Variants in NRG3 observed in about 807,000 individuals in gnomAD.
NRG3 encodes neuregulin 3.
Under a neutral mutation model 66.9 loss-of-function variants are expected in NRG3, and 31 were observed. That is an observed-to-expected ratio of 0.46 (90% CI 0.35 to 0.63). The LOEUF is 0.63. Among genes scored for constraint, NRG3 ranks in the 20% least tolerant of loss-of-function variants. The probability of loss-of-function intolerance (pLI) is 0.00; values close to 1 mark genes in which losing one functional copy is unlikely to be tolerated. For missense variants in NRG3, 910 were observed against 878.9 expected (o/e 1.04, Z -0.45); for synonymous variants, 393 against 359.4 (o/e 1.09, Z -1.06).
chr10:82,622,321 G>A lies in NRG3; in HGVS notation c.954-116256G>A, dbSNP rs191880270. ...ATCATATGGCCTTCAGGAGGTGGGG[G>A]TGGGAGGTCATGAGGTTCTTTGGAT... On this transcript the variant is annotated intron_variant, in intron 2 of 8. Transcript: ENST00000372141. 7.4e-4 allele frequency among the ~76,000 whole-genome samples: 111 copies of A among 151,020 alleles called. 1 individual carries two copies. In the Middle Eastern group the frequency reaches 0.017, roughly 23 times the overall value.
At chr10:82,035,536 A>G (rs1302899089) in intron 1 of NRG3, among the ~76,000 whole-genome samples, 2 of 152,164 alleles carry the variant, frequency 1.3e-5, no homozygotes, top group African/African-American at 4.8e-5. Flanking sequence ...TGAGGATTTG[A>G]ATTATTATTC....
chr10:82,231,727 G>T (rs531053391), intron 1 of NRG3, among the ~76,000 whole-genome samples: 98 of 152,234 alleles, frequency 6.4e-4, no homozygotes, highest in African/African-American at 2.3e-3. Context: ...ATAATTCAGT[G>T]TGTGAAAACT....
At chr10:82,673,347 G>A (rs2053438154) in intron 2 of NRG3, among the ~76,000 whole-genome samples, 1 of 152,126 alleles carries the variant, frequency 6.6e-6, no homozygotes, top group South Asian at 2.1e-4. Context: ...AATAGTAGAG[G>A]TCTTTATTTA....
intron 2 of NRG3, among the ~76,000 whole-genome samples, chr10:82,574,501 G>T (rs532335937): frequency 6.6e-6 from 1 of 151,830 alleles, no homozygotes; most frequent in South Asian, 2.1e-4. Context: ...ACAATATAGT[G>T]TATTTTTCAA....
At position 82,954,195 on chromosome 10, in the gene NRG3, T is replaced by C. The variant is rs139515227; in HGVS notation, c.1157+2624T>C. Among the ~76,000 whole-genome samples the C allele has an allele frequency of 2.0e-5, 3 of 152,014 alleles. 1 individual carries two copies. Among genetic ancestry groups the C allele is most frequent in the African/African-American group, 7.3e-5 (3 of 41,310 alleles). On this transcript the variant is annotated intron_variant, in intron 5 of 8. Transcript: ENST00000372141. Reference sequence around the variant, plus strand: ...AGCTTTGTACAAGAAAGAAATTCCTTACTTAACAATAACCAAATTACAATA... The same window carrying C: ...AGCTTTGTACAAGAAAGAAATTCCTCACTTAACAATAACCAAATTACAATA...
intron 3 of NRG3, chr10:82,827,092 C>T: frequency 3.1e-6 from 1 of 320,832 alleles, no homozygotes; most frequent in Non-Finnish European, 6.0e-6. Flanking sequence ...GAGAAAAAAG[C>T]TTGAAAAATA....
At chr10:82,156,779 A>G (rs1282203576) in intron 1 of NRG3, among the ~76,000 whole-genome samples, 1 of 151,560 alleles carries the variant, frequency 6.6e-6, no homozygotes, top group Non-Finnish European at 1.5e-5. Context: ...GTTTTTTTAC[A>G]TTTTAATAGC....
chr10:82,210,485 T>A (rs947456231), intron 1 of NRG3, among the ~76,000 whole-genome samples: 5 of 152,126 alleles, frequency 3.3e-5, no homozygotes, highest in African/African-American at 9.7e-5. Context: ...GGCAGGGGGT[T>A]GAATGGAGAT....
intron 4 of NRG3, among the ~76,000 whole-genome samples, chr10:82,907,952 C>T (rs1440481385): frequency 6.6e-6 from 1 of 152,206 alleles, no homozygotes; most frequent in Non-Finnish European, 1.5e-5. Context: ...ATGAAACTTA[C>T]TAGATATTTA....
At chr10:82,057,511 T>G (rs2063907046) in intron 1 of NRG3, among the ~76,000 whole-genome samples, 1 of 152,140 alleles carries the variant, frequency 6.6e-6, no homozygotes, top group Admixed American at 6.5e-5. Flanking sequence ...CCTTTGAAAT[T>G]GTTGGGGTAA....
chr10:81,924,984 G>T (rs147536160), intron 1 of NRG3, among the ~76,000 whole-genome samples: 1 of 152,154 alleles, frequency 6.6e-6, no homozygotes, highest in Non-Finnish European at 1.5e-5. Flanking sequence ...CTTTTAGATT[G>T]TCAAGCTTCC....
chr10:82,689,042 T>C (rs187712230), intron 2 of NRG3, among the ~76,000 whole-genome samples: 36 of 152,316 alleles, frequency 2.4e-4, no homozygotes, highest in Non-Finnish European at 3.7e-4. Context: ...TCATTAGAAC[T>C]GTTAAGGAGG....
intron 1 of NRG3, among the ~76,000 whole-genome samples, chr10:81,950,017 A>G (rs1301701418): frequency 6.6e-6 from 1 of 152,166 alleles, no homozygotes; most frequent in Non-Finnish European, 1.5e-5. Flanking sequence ...CTGGAAATTA[A>G]CCAGAAGCCC....
intron 1 of NRG3, among the ~76,000 whole-genome samples, chr10:82,202,124 T>A (rs1211353589): frequency 6.6e-6 from 1 of 152,196 alleles, no homozygotes; most frequent in African/African-American, 2.4e-5. Flanking sequence ...TTGCCCACGT[T>A]CACACAGGTA....
At chr10:82,315,802 A>G (rs547766329) in intron 1 of NRG3, among the ~76,000 whole-genome samples, 2 of 151,628 alleles carry the variant, frequency 1.3e-5, no homozygotes, top group Non-Finnish European at 2.9e-5. Context: ...AGTAACTGGG[A>G]TTACAGGTGT....
chr10:82,379,919 A>AG (rs1169765038), intron 2 of NRG3, among the ~76,000 whole-genome samples: 10 of 151,210 alleles, frequency 6.6e-5, no homozygotes, highest in Admixed American at 3.3e-4. Flanking sequence ...CCAAAAAAAA[A>AG]AAAAAAGAAA....
chr10:82,860,073 A>G (rs2064036733), intron 3 of NRG3, among the ~76,000 whole-genome samples: 2 of 152,122 alleles, frequency 1.3e-5, no homozygotes, highest in African/African-American at 4.8e-5. Context: ...ATATTTTCAG[A>G]CTCAACAATT....
At chr10:82,867,887 T>A (rs1225262053) in intron 4 of NRG3, among the ~76,000 whole-genome samples, 1 of 152,176 alleles carries the variant, frequency 6.6e-6, no homozygotes, top group Non-Finnish European at 1.5e-5. Flanking sequence ...CATTCGCTAA[T>A]GATGGCAGTG....
intron 4 of NRG3, among the ~76,000 whole-genome samples, chr10:82,907,752 A>C (rs1165766899): frequency 6.6e-6 from 1 of 152,220 alleles, no homozygotes. Flanking sequence ...TTTTTTAAGC[A>C]CTAACTGTAT....
Sources: allele counts gnomAD v4.1 joint callset (sites outside exome capture counted in the v4.1 genomes callset), GRCh38; gene constraint gnomAD v4.1.1; transcripts MANE v1.5; gene names NCBI Gene and HGNC (gene_info 2026-07-23, HGNC 2026-07-21).